The following CLC variants were observed in gnomAD, a reference collection of about 807,000 sequenced individuals.
CLC encodes the protein galectin-10.
Under a neutral mutation model 13.9 loss-of-function variants are expected in CLC, and 15 were observed. That is an observed-to-expected ratio of 1.08 (90% confidence interval 0.72 to 1.66). The LOEUF (loss-of-function observed/expected upper bound fraction) is 1.66, where lower values mean the gene tolerates loss of function less well. Among genes scored for constraint, CLC ranks in the 40% most tolerant of loss-of-function variants. The probability of loss-of-function intolerance (pLI) is 0.00; values close to 1 mark genes in which losing one functional copy is unlikely to be tolerated. For synonymous variants in CLC, 68 were observed against 59.9 expected, an observed-to-expected ratio of 1.14 and a Z score of -0.63; for missense variants, 161 against 169.1, an observed-to-expected ratio of 0.95 and a Z score of 0.27.
chr19:39,734,953 C>A, intron 2 of CLC, 44 bp downstream of exon 2: 1 of 1,425,920 alleles, frequency 7.0e-7, no homozygotes, highest in South Asian at 1.1e-5. Context: ...AGAAAATATT[C>A]TTCCTCTTCT....
chr19:39,735,203 T>G (rs1967290967), intron 1 of CLC, 130 bp from the exon 2 acceptor site: 1 of 659,646 alleles, frequency 1.5e-6, no homozygotes, highest in Non-Finnish European at 2.7e-6. Context: ...CCACCCTACC[T>G]CAGTCAGGAC....
At chr19:39,731,800 G>C (rs920726467) in intron 3 of CLC, among the ~76,000 whole-genome samples, 12 of 152,280 alleles carry the variant, frequency 7.9e-5, no homozygotes, top group African/African-American at 2.9e-4. Flanking sequence ...CAAGGCCAGG[G>C]ACTGTGTTTC....
intron 3 of CLC, 153 bp downstream of exon 3, chr19:39,734,130 G>T: frequency 1.1e-6 from 1 of 946,252 alleles, no homozygotes; most frequent in South Asian, 4.9e-5. Flanking sequence ...GGGACAGGGG[G>T]AGTTATGGGT....
At chr19:39,732,011 G>C (rs1450377632) in intron 3 of CLC, among the ~76,000 whole-genome samples, 4 of 151,906 alleles carry the variant, frequency 2.6e-5, no homozygotes, top group Admixed American at 1.3e-4. Context: ...GGTGGGGCTG[G>C]ATTAATGTTA....
At position 39,734,504 on chromosome 19, in the gene CLC, A is replaced by G; in HGVS notation, c.93-11T>C. 6.2e-7 allele frequency: 1 copy of G among 1,610,100 alleles called. No homozygotes were observed. Among genetic ancestry groups the G allele is most frequent in the Non-Finnish European group, 8.5e-7 (1 of 1,176,370 alleles). Reference sequence around the variant, plus strand: ...AGATATGGTTCATTCCTGAGGGCAGAGCACACAGTGTTGAGCAGGTCCCTT... The same window carrying G: ...AGATATGGTTCATTCCTGAGGGCAGGGCACACAGTGTTGAGCAGGTCCCTT... On this transcript the variant is annotated splice_polypyrimidine_tract_variant and intron_variant, in intron 2 of 3. Coordinates refer to ENST00000221804, the MANE Select transcript of CLC (RefSeq NM_001828.6).
intron 3 of CLC, chr19:39,733,924 T>A (rs921073445): frequency 1.3e-5 from 13 of 984,318 alleles, no homozygotes; most frequent in African/African-American, 1.7e-5. Flanking sequence ...AATAACATCA[T>A]AAGGGGAAGA....
chr19:39,736,537 G>A (rs1256486963), intron 1 of CLC, among the ~76,000 whole-genome samples: 1 of 152,138 alleles, frequency 6.6e-6, no homozygotes. Flanking sequence ...CACTTTGGGA[G>A]GCCAAGGTGG....
intron 1 of CLC, 110 bp from the exon 2 acceptor site, chr19:39,735,183 C>T: frequency 1.4e-6 from 1 of 730,658 alleles, no homozygotes; most frequent in Non-Finnish European, 2.4e-6. Flanking sequence ...AGACTCAGGC[C>T]TCCCTGCTCC....
At chr19:39,734,156 A>T (rs1967270396) in intron 3 of CLC, 127 bp downstream of exon 3, 1 of 1,391,272 alleles carries the variant, frequency 7.2e-7, no homozygotes, top group Non-Finnish European at 9.6e-7. Context: ...AAAGCCTGGG[A>T]TAAGGGGAGT....
chr19:39,731,621 A>G, intron 3 of CLC, 116 bp from the exon 4 acceptor site: 1 of 1,047,792 alleles, frequency 9.5e-7, no homozygotes. Flanking sequence ...CTCATTATAT[A>G]TCTGAACCCA....
In CLC at chr19:39,732,680, C is replaced by A. The variant is rs1347960888; in HGVS notation, c.304-1175G>T. ...CACACTGACTTCCACAATGGTTGAA[C>A]TAGTTTACAGTCCCACCAACAGTGT... On this transcript the variant is annotated intron_variant, in intron 3 of 3. Transcript: ENST00000221804. Among the ~76,000 whole-genome samples the A allele has an allele frequency of 4.8e-5, 7 of 144,454 alleles. No homozygotes were observed. The East Asian group carries it at 1.4e-3, about 30-fold the overall frequency. 94.8% of individuals were successfully genotyped at this position (144,454 alleles called of 152,430 possible). A position where few individuals can be genotyped will look rare whatever the true frequency, so the allele number is the denominator to read the frequency against.
chr19:39,732,684 T>C (rs1967243793), intron 3 of CLC, among the ~76,000 whole-genome samples: 1 of 145,350 alleles, frequency 6.9e-6, no homozygotes, highest in Admixed American at 6.8e-5. Flanking sequence ...GTTGAACTAG[T>C]TTACAGTCCC....
Position 39,737,947 on chromosome 19 carries a change from G to T in CLC, c.6C>A (p.Ser2=), listed in dbSNP as rs1259769671. 1.9e-6 allele frequency: 3 copies of T among 1,612,254 alleles called. No homozygotes were observed. The Admixed American group carries it at 5.0e-5, about 27-fold the overall frequency. The stretch of plus-strand genomic sequence containing the variant: ...TGCCTTTTTAACTCACGGGTAGCAG[G>T]GACATTGTTGTCTCCTTCTGGGTGG... The part of the protein sequence containing the change: M[S]LLPVPYTEAA... The change falls in exon 1 of 4, where the codon TCC becomes TCA. Residue 2 remains serine (S), a synonymous_variant. Transcript: ENST00000221804.
At position 39,737,929 on chromosome 19, in the gene CLC, T is replaced by C; in HGVS notation, c.15+9A>G. 6.2e-7 allele frequency: 1 copy of C among 1,613,026 alleles called. No homozygotes were observed. ...TGAGATTATTGAAGGCTGTGCCTTTTTAACTCACGGGTAGCAGGGACATTG... is the reference window on the plus strand; with the variant it reads ...TGAGATTATTGAAGGCTGTGCCTTTCTAACTCACGGGTAGCAGGGACATTG... On this transcript the variant is annotated intron_variant, in intron 1 of 3. Transcript: ENST00000221804.
chr19:39,734,894 T>C (rs750289507), intron 2 of CLC, 103 bp downstream of exon 2: 24 of 904,614 alleles, frequency 2.7e-5, no homozygotes, highest in Non-Finnish European at 4.3e-5. Flanking sequence ...GGCACTTCCA[T>C]CCTGCCAACT....
chr19:39,735,838 C>T (rs44049), intron 1 of CLC, among the ~76,000 whole-genome samples: 101,557 of 152,028 alleles, frequency 0.67, 34,660 homozygotes, highest in African/African-American at 0.76. Flanking sequence ...TCATCTTCAA[C>T]TCTGAAACTG....
In CLC at chr19:39,737,930, T is replaced by C. The variant is rs759307790; in HGVS notation, c.15+8A>G. On this transcript the variant is annotated splice_region_variant and intron_variant, in intron 1 of 3. Coordinates refer to ENST00000221804, the MANE Select transcript of CLC (RefSeq NM_001828.6). ...GAGATTATTGAAGGCTGTGCCTTTT[T>C]AACTCACGGGTAGCAGGGACATTGT... 6.2e-7 allele frequency: 1 copy of C among 1,613,032 alleles called. No individual in the cohort carries two copies. Among genetic ancestry groups the C allele is most frequent in the Non-Finnish European group, 8.5e-7 (1 of 1,179,326 alleles).
chr19:39,734,891 C>A, intron 2 of CLC, 106 bp downstream of exon 2: 3 of 878,708 alleles, frequency 3.4e-6, no homozygotes, highest in South Asian at 3.1e-5. Flanking sequence ...CATGGCACTT[C>A]CATCCTGCCA....
rs1161122563 is a variant in CLC at position 39,731,485 on chromosome 19, G to T, written c.324C>A (p.Ser108=). The part of the protein sequence containing the change: ...DKYQVMVNGQ[S]SYTFDHRIKP... ...TGATTCTATGGTCAAAGGTGTAAGA[G>T]GATTGGCCATTGACCATTACCTACA... The change falls in exon 4 of 4, where the codon TCC becomes TCA. Residue 108 remains serine, a synonymous_variant. Transcript: ENST00000221804. 1.2e-6 allele frequency: 2 copies of T among 1,611,022 alleles called. No homozygotes were observed. Among genetic ancestry groups the T allele is most frequent in the African/African-American group, 2.7e-5 (2 of 74,852 alleles).
Sources: gnomAD v4.1 joint callset for allele counts (sites outside exome capture counted in the v4.1 genomes callset) on GRCh38, gnomAD v4.1.1 for gene constraint, MANE v1.5 for transcripts, NCBI Gene and HGNC (gene_info 2026-07-23, HGNC 2026-07-21) for gene names.